Variants in ITPA observed in about 807,000 individuals in gnomAD.
ITPA encodes inosine triphosphate pyrophosphatase.
Under a neutral mutation model 29.6 loss-of-function variants are expected in ITPA, and 29 were observed. The observed-to-expected ratio is 0.98, with a 90% confidence interval of 0.73 to 1.34. The LOEUF is 1.34. Ranked by LOEUF, ITPA falls within the 40% of genes most tolerant of loss-of-function variation. The pLI is 0.00. For missense variants in ITPA, 241 were observed against 251.5 expected (o/e 0.96, Z 0.28); for synonymous variants, 103 against 99.3 (o/e 1.04, Z -0.22).
chr20:3,216,844 C>T (rs1349988944), intron 5 of ITPA, among the ~76,000 whole-genome samples: 2 of 152,086 alleles, frequency 1.3e-5, no homozygotes, highest in South Asian at 2.1e-4. Context: ...CTCGGCCTCC[C>T]AAAGTGCTGG....
Position 3,213,300 on chromosome 20 carries a change from T to C in ITPA, c.125-19T>C, listed in dbSNP as rs764213076. The C allele has an allele frequency of 3.1e-6, 5 of 1,614,200 alleles. No homozygotes were observed. Among genetic ancestry groups the C allele is most frequent in the Non-Finnish European group, 4.2e-6 (5 of 1,180,026 alleles). On this transcript the variant is annotated intron_variant, in intron 2 of 7. Transcript: ENST00000380113. ...TCTTCCTGTGACCTGACTTTCTGTG[T>C]GTCTGTTTCCCTGATAAGTGCCGGA...
intron 5 of ITPA, 37 bp downstream of exon 5, chr20:3,215,349 G>A (rs1283359122): frequency 2.5e-6 from 4 of 1,604,858 alleles, no homozygotes; most frequent in Non-Finnish European, 3.4e-6. Context: ...GATCTGTTGG[G>A]AATGAGAATC....
At chr20:3,222,900 G>A (rs745665404) in intron 7 of ITPA, among the ~76,000 whole-genome samples, 2 of 152,260 alleles carry the variant, frequency 1.3e-5, no homozygotes, top group Admixed American at 6.5e-5. Context: ...GCACAGAGCA[G>A]TCTGCAGGCC....
Position 3,209,687 on chromosome 20 carries a change from G to GT in ITPA, c.66+70_66+71insT, listed in dbSNP as rs2067127730. 2.3e-6 allele frequency: 3 copies of GT among 1,305,868 alleles called. No homozygotes were observed. Among genetic ancestry groups the GT allele is most frequent in the African/African-American group, 2.9e-5 (2 of 68,856 alleles). The allele number at this position is 1,305,868 out of a possible 1,614,324, so 80.9% of individuals were successfully genotyped here. A position where few individuals can be genotyped will look rare whatever the true frequency, so the allele number is the denominator to read the frequency against. On this transcript the variant is annotated intron_variant, in intron 1 of 7. Coordinates refer to ENST00000380113, the MANE Select transcript of ITPA (RefSeq NM_033453.4). This position sits in a 1 kb window ranked among gnomAD's most constrained non-coding sequence, Gnocchi z 4.6. The stretch of plus-strand genomic sequence containing the variant: ...AGGGCGGAGAAGGGGCTTCCGGGAG[G>GT]AGGGAAGCACGTGGGAGGAGGCATG...
chr20:3,219,463 G>A (rs2067403753), intron 6 of ITPA, among the ~76,000 whole-genome samples: 2 of 151,968 alleles, frequency 1.3e-5, no homozygotes, highest in South Asian at 4.1e-4. Context: ...TTTAAAATGA[G>A]GCCGGGCGTG....
downstream of ITPA, among the ~76,000 whole-genome samples, chr20:3,224,486 T>C (rs1486744992): frequency 6.6e-6 from 1 of 152,198 alleles, no homozygotes; most frequent in Non-Finnish European, 1.5e-5. Flanking sequence ...GAGAGGCCCC[T>C]GCCGTCCCTG....
rs561064954 is a variant in ITPA at position 3,209,735 on chromosome 20, G to A, written c.66+118G>A. 35 of 814,852 alleles carry A rather than the reference G, an allele frequency of 4.3e-5. No homozygotes were observed. The highest frequency in any genetic ancestry group is 2.5e-4 in the Middle Eastern group (1 of 4,054). The allele number at this position is 814,852 out of a possible 1,614,324, so 50.5% of individuals were successfully genotyped here. Reference sequence around the variant, plus strand: ...ATGGAGAGAGAACAGAATTCAGCCCGGAAGAATGGGTCCTGACCCGGCTGT... The same window carrying A: ...ATGGAGAGAGAACAGAATTCAGCCCAGAAGAATGGGTCCTGACCCGGCTGT... On this transcript the variant is annotated intron_variant, in intron 1 of 7. Coordinates refer to ENST00000380113, the MANE Select transcript of ITPA (RefSeq NM_033453.4). The surrounding 1 kb of genome is among the most constrained non-coding windows in gnomAD (Gnocchi z 4.6).
intron 3 of ITPA, among the ~76,000 whole-genome samples, 195 bp downstream of exon 3, chr20:3,213,578 C>G (rs936240807): frequency 3.3e-5 from 5 of 152,140 alleles, no homozygotes; most frequent in Non-Finnish European, 7.3e-5. Flanking sequence ...GGTATCTCCC[C>G]CAGACCACCA....
chr20:3,212,868 A>C (rs2067204918), intron 1 of ITPA, among the ~76,000 whole-genome samples: 1 of 152,100 alleles, frequency 6.6e-6, no homozygotes, highest in Admixed American at 6.6e-5. Flanking sequence ...TCTGTTAGAG[A>C]ATTCCTGGTC....
At chr20:3,213,102 G>A (rs2067210308) in intron 1 of ITPA, 67 bp from the exon 2 acceptor site, 1 of 1,464,066 alleles carries the variant, frequency 6.8e-7, no homozygotes, top group Non-Finnish European at 9.6e-7. Context: ...AAAGGCGGAT[G>A]ACAGCTCACG....
chr20:3,219,616 G>T lies in ITPA; in HGVS notation c.411+984G>T, dbSNP rs143932784. Among the ~76,000 whole-genome samples the T allele has an allele frequency of 5.3e-5, 8 of 151,766 alleles. No individual in the cohort carries two copies. In the South Asian group the frequency reaches 1.7e-3, roughly 32 times the overall value. On this transcript the variant is annotated intron_variant, in intron 6 of 7. Transcript: ENST00000380113. Reference sequence around the variant, plus strand: ...AAAAAATATCTGGGCATGGTGGCAGGCACCTGTAATCCCAGCTACTGGGGA... The same window carrying T: ...AAAAAATATCTGGGCATGGTGGCAGTCACCTGTAATCCCAGCTACTGGGGA...
intron 1 of ITPA, among the ~76,000 whole-genome samples, chr20:3,210,398 C>T (rs1009929572): frequency 2.6e-5 from 4 of 152,204 alleles, no homozygotes; most frequent in African/African-American, 9.6e-5. Context: ...AGGCTTCTAC[C>T]AGATATCAGC....
At chr20:3,206,952 T>C (rs181482500), upstream of ITPA, among the ~76,000 whole-genome samples, 86 of 152,114 alleles carry the variant, frequency 5.7e-4, 1 homozygote, top group African/African-American at 2.0e-3. Context: ...ATGCAGAGGT[T>C]GCAGTGAGCC....
chr20:3,223,931 G>A, downstream of ITPA: 1 of 203,170 alleles, frequency 4.9e-6, no homozygotes, highest in Non-Finnish European at 1.0e-5. Flanking sequence ...TGGGGGTGGG[G>A]ATGGGGACAC....
At chr20:3,204,486 G>A (rs1376216284), upstream of ITPA, 1 of 1,524,390 alleles carries the variant, frequency 6.6e-7, no homozygotes, top group South Asian at 1.2e-5. Flanking sequence ...CAAAGGCTCA[G>A]AAGGCCAGAA....
intron 4 of ITPA, among the ~76,000 whole-genome samples, chr20:3,214,383 T>G (rs1239665379): frequency 9.0e-6 from 1 of 111,366 alleles, no homozygotes; most frequent in Non-Finnish European, 1.9e-5. Context: ...TTTTTTTTTT[T>G]GATACAGTCT....
chr20:3,204,197 GCCTC>G (rs2067055061), upstream of ITPA, among the ~76,000 whole-genome samples: 1 of 152,202 alleles, frequency 6.6e-6, no homozygotes, highest in Non-Finnish European at 1.5e-5. Context: ...AACCCCTGCG[GCCTC>G]CCTAACAGGT....
Position 3,221,821 on chromosome 20 carries a change from T to TC in ITPA, c.412-14dup. The TC allele has an allele frequency of 6.2e-7, 1 of 1,613,176 alleles. No individual in the cohort carries two copies. Among genetic ancestry groups the TC allele is most frequent in the South Asian group, 1.1e-5 (1 of 91,046 alleles). On this transcript the variant is annotated intron_variant, in intron 6 of 7. Coordinates refer to ENST00000380113, the MANE Select transcript of ITPA (RefSeq NM_033453.4). ...TCCTCTGGACCCAGTTACACACCTG[T>TC]CCCCCCTTTCCTGTGGCAGGGCCGG...
At chr20:3,218,259 A>G (rs968605012) in intron 5 of ITPA, among the ~76,000 whole-genome samples, 2 of 152,206 alleles carry the variant, frequency 1.3e-5, no homozygotes, top group Non-Finnish European at 2.9e-5. Flanking sequence ...AACAAGGTCC[A>G]CACTGCATTG....
Sources: allele counts gnomAD v4.1 joint callset (sites outside exome capture counted in the v4.1 genomes callset), GRCh38; gene constraint gnomAD v4.1.1; non-coding constraint Gnocchi (gnomAD v3.1); transcripts MANE v1.5; gene names NCBI Gene and HGNC (gene_info 2026-07-23, HGNC 2026-07-21).